Variants in PTK2 observed in about 807,000 individuals in gnomAD.
PTK2 encodes the protein focal adhesion kinase 1.
Under a neutral mutation model 150.1 loss-of-function variants are expected in PTK2, and 45 were observed. That is an observed-to-expected ratio of 0.30 (90% CI 0.24 to 0.38). The LOEUF (loss-of-function observed/expected upper bound fraction) is 0.38, where lower values mean the gene tolerates loss of function less well. Ranked by LOEUF, PTK2 falls within the 10% of genes least tolerant of loss-of-function variation. The probability of loss-of-function intolerance (pLI) is 1.00; values close to 1 mark genes in which losing one functional copy is unlikely to be tolerated. For synonymous variants in PTK2, 432 were observed against 449.2 expected (o/e 0.96, Z 0.48); for missense variants, 919 against 1,307.3 (o/e 0.70, Z 4.58).
At chr8:140,877,404 A>G (rs978259393) in intron 4 of PTK2, among the ~76,000 whole-genome samples, 7 of 152,212 alleles carry the variant, frequency 4.6e-5, no homozygotes, top group African/African-American at 1.7e-4. Context: ...CCATATTGAG[A>G]TAGGCAATCT....
intron 10 of PTK2, among the ~76,000 whole-genome samples, chr8:140,807,932 T>C (rs958903385): frequency 3.3e-5 from 5 of 152,114 alleles, no homozygotes; most frequent in African/African-American, 9.7e-5. Context: ...ACTGTCATCA[T>C]TGGCAAGGCA....
At chr8:140,778,442 C>T (rs2100079655) in intron 14 of PTK2, among the ~76,000 whole-genome samples, 1 of 152,114 alleles carries the variant, frequency 6.6e-6, no homozygotes, top group South Asian at 2.1e-4. Flanking sequence ...CAGAGAGGGG[C>T]TCTGTCTCAA....
intron 3 of PTK2, among the ~76,000 whole-genome samples, chr8:140,885,363 A>T (rs907049621): frequency 2.0e-5 from 3 of 152,234 alleles, no homozygotes; most frequent in Admixed American, 1.3e-4. Flanking sequence ...CCTACTGAGC[A>T]CTTGGCTGTT....
intron 26 of PTK2, among the ~76,000 whole-genome samples, chr8:140,687,300 G>C (rs528597465): frequency 2.0e-5 from 3 of 152,266 alleles, no homozygotes; most frequent in Admixed American, 1.3e-4. Flanking sequence ...TATGGGTTAC[G>C]GGCCTTCTAC....
intron 14 of PTK2, among the ~76,000 whole-genome samples, chr8:140,777,212 G>T (rs2100078964): frequency 6.6e-6 from 1 of 152,174 alleles, no homozygotes; most frequent in Non-Finnish European, 1.5e-5. Context: ...CGTTTTAATT[G>T]GTTCACAGTT....
intron 1 of PTK2, among the ~76,000 whole-genome samples, chr8:140,988,733 A>G (rs1460517027): frequency 6.6e-6 from 1 of 150,540 alleles, no homozygotes; most frequent in Non-Finnish European, 1.5e-5. Flanking sequence ...CATCCCAAAA[A>G]AAAAAAAAAA....
intron 14 of PTK2, among the ~76,000 whole-genome samples, chr8:140,779,762 C>A (rs956158926): frequency 6.6e-6 from 1 of 152,064 alleles, no homozygotes; most frequent in Non-Finnish European, 1.5e-5. Context: ...GAGATTAGTC[C>A]AACTGGATCA....
chr8:140,990,778 A>G (rs2100195437), intron 1 of PTK2, among the ~76,000 whole-genome samples: 1 of 152,148 alleles, frequency 6.6e-6, no homozygotes, highest in South Asian at 2.1e-4. Flanking sequence ...AAGACTATAC[A>G]ATAAAGTCAT....
chr8:140,697,873 T>G (rs1232649046), intron 26 of PTK2, among the ~76,000 whole-genome samples: 4 of 140,456 alleles, frequency 2.8e-5, no homozygotes, highest in Non-Finnish European at 6.2e-5. Context: ...TTTTTTTTTT[T>G]TTTTTTTTGC....
At position 140,745,208 on chromosome 8, in the gene PTK2, C is replaced by T. The variant is rs2100058016; in HGVS notation, c.1519-441G>A. Among the ~76,000 whole-genome samples, 3 of 152,150 alleles carry T rather than the reference C, an allele frequency of 2.0e-5. No individual in the cohort carries two copies. In the South Asian group the frequency reaches 6.2e-4, roughly 32 times the overall value. On this transcript the variant is annotated intron_variant, in intron 18 of 31. Coordinates refer to ENST00000522684, the Ensembl canonical transcript of PTK2. ...TGAGGATAATGTAATGCGGAGAAAG[C>T]AGGGACAAGAAGGAATCTCCCCTCT...
chr8:140,950,433 TG>T (rs576825323), intron 1 of PTK2, among the ~76,000 whole-genome samples: 38 of 152,362 alleles, frequency 2.5e-4, no homozygotes, highest in African/African-American at 8.4e-4. Context: ...TGCACAGAAC[TG>T]GCACCTGTGC....
intron 23 of PTK2, among the ~76,000 whole-genome samples, chr8:140,707,125 T>C (rs760923492): frequency 3.3e-5 from 5 of 152,196 alleles, no homozygotes; most frequent in Non-Finnish European, 5.9e-5. Context: ...TTTAATGAAA[T>C]ATCTAGAATA....
At chr8:140,853,166 G>A (rs1247563664) in intron 5 of PTK2, among the ~76,000 whole-genome samples, 2 of 150,648 alleles carry the variant, frequency 1.3e-5, no homozygotes, top group Non-Finnish European at 3.0e-5. Flanking sequence ...TCTCTGCTTG[G>A]CAAACCTTTG....
intron 12 of PTK2, among the ~76,000 whole-genome samples, chr8:140,796,298 T>C (rs2100091568): frequency 6.6e-6 from 1 of 152,194 alleles, no homozygotes; most frequent in Non-Finnish European, 1.5e-5. Context: ...CCATCACTTG[T>C]TGACATTTTG....
intron 8 of PTK2, among the ~76,000 whole-genome samples, chr8:140,828,145 G>T (rs952570553): frequency 6.7e-6 from 1 of 149,122 alleles, no homozygotes; most frequent in African/African-American, 2.5e-5. Context: ...CAGCATGGGC[G>T]ATGGAGCAAG....
At chr8:140,684,823 A>G (rs1200285755) in intron 27 of PTK2, among the ~76,000 whole-genome samples, 1 of 152,170 alleles carries the variant, frequency 6.6e-6, no homozygotes, top group Non-Finnish European at 1.5e-5. Context: ...ATACCGCCCA[A>G]AGCTTTACAG....
At chr8:140,928,142 G>A (rs2100170404) in intron 1 of PTK2, among the ~76,000 whole-genome samples, 1 of 151,502 alleles carries the variant, frequency 6.6e-6, no homozygotes, top group Non-Finnish European at 1.5e-5. Context: ...CCTCCCGTAT[G>A]CTTTTGGTTT....
chr8:140,927,508 TG>T (rs1311915026), intron 1 of PTK2: 4 of 152,320 alleles, frequency 2.6e-5, no homozygotes, highest in Non-Finnish European at 5.9e-5. Flanking sequence ...AATACTGGCC[TG>T]GGGGTCTGAT....
rs567422304 is a variant in PTK2, at chr8:140,879,895, T to C, written c.196-258A>G. Among the ~76,000 whole-genome samples the C allele has an allele frequency of 3.9e-5, 6 of 152,182 alleles. No homozygotes were observed. The East Asian group carries it at 1.2e-3, about 29-fold the overall frequency. The stretch of plus-strand genomic sequence containing the variant: ...TTTTAGAAAAGAAAACATAAAGAGA[T>C]TCTCTCCTTTCTTTATTAACAAGGC... On this transcript the variant is annotated intron_variant, in intron 3 of 31. Coordinates refer to ENST00000522684, the Ensembl canonical transcript of PTK2.
Sources: allele counts gnomAD v4.1 joint callset (sites outside exome capture counted in the v4.1 genomes callset), GRCh38; gene constraint gnomAD v4.1.1; transcripts MANE v1.5; gene names NCBI Gene and HGNC (gene_info 2026-07-23, HGNC 2026-07-21).